OLA1: variants seen among roughly 807,000 people sequenced by gnomAD.
OLA1 encodes Obg like ATPase 1.
OLA1 carries 14 observed loss-of-function variants against 48.4 expected under a neutral mutation model. The observed-to-expected ratio is 0.29, with a 90% CI of 0.19 to 0.45. The LOEUF is 0.45. Ranked by LOEUF, OLA1 falls within the 20% of genes least tolerant of loss-of-function variation. The pLI is 1.00. For synonymous variants in OLA1, 127 were observed against 150.4 expected, an observed-to-expected ratio of 0.84 and a Z score of 1.14; for missense variants, 325 against 467.1, an observed-to-expected ratio of 0.70 and a Z score of 2.80.
intron 4 of OLA1, among the ~76,000 whole-genome samples, chr2:174,215,779 T>C (rs2358484): frequency 0.54 from 81,901 of 152,014 alleles, 22,680 homozygotes; most frequent in East Asian, 0.95. Context: ...ATAAAGTTAA[T>C]TGTAGTCCAT....
intron 4 of OLA1, among the ~76,000 whole-genome samples, chr2:174,168,329 A>G (rs1687214570): frequency 6.6e-6 from 1 of 152,172 alleles, no homozygotes; most frequent in South Asian, 2.1e-4. Context: ...GTGAGACTGG[A>G]GCTGCCATCT....
At chr2:174,211,906 CTTT>C (rs1396832641) in intron 4 of OLA1, among the ~76,000 whole-genome samples, 1 of 152,032 alleles carries the variant, frequency 6.6e-6, no homozygotes, top group Non-Finnish European at 1.5e-5. Flanking sequence ...TTCTTTTTAA[CTTT>C]TTTAATGTGG....
chr2:174,247,863 G>A, intron 1 of OLA1: 2 of 1,425,906 alleles, frequency 1.4e-6, no homozygotes, highest in East Asian at 2.5e-5. Context: ...AATCATGCGT[G>A]CAGAATTACT....
intron 4 of OLA1, among the ~76,000 whole-genome samples, chr2:174,154,474 G>A (rs1686822625): frequency 6.6e-6 from 1 of 151,502 alleles, no homozygotes; most frequent in African/African-American, 2.4e-5. Context: ...GACTTTTTTG[G>A]GCCTAAAAGA....
intron 5 of OLA1, among the ~76,000 whole-genome samples, chr2:174,135,347 T>C (rs997496541): frequency 6.6e-6 from 1 of 152,138 alleles, no homozygotes; most frequent in African/African-American, 2.4e-5. Context: ...GGCCTTTATG[T>C]TGGCACTATC....
At chr2:174,242,036 A>G (rs377463374) in intron 2 of OLA1, among the ~76,000 whole-genome samples, 73 of 152,352 alleles carry the variant, frequency 4.8e-4, no homozygotes, top group African/African-American at 1.7e-3. Flanking sequence ...ATTCTGGACA[A>G]AGGGATGTTG....
At chr2:174,147,076 C>T (rs538662128) in intron 4 of OLA1, among the ~76,000 whole-genome samples, 14 of 152,246 alleles carry the variant, frequency 9.2e-5, no homozygotes, top group African/African-American at 3.1e-4. Flanking sequence ...AAGAAAACTA[C>T]ACTCATACAA....
At chr2:174,144,354 A>G (rs899151841) in intron 4 of OLA1, among the ~76,000 whole-genome samples, 2 of 152,154 alleles carry the variant, frequency 1.3e-5, no homozygotes, top group African/African-American at 2.4e-5. Context: ...GTAACATACC[A>G]TAAGTAGAAT....
intron 2 of OLA1, among the ~76,000 whole-genome samples, chr2:174,237,437 A>G (rs1688883973): frequency 6.6e-6 from 1 of 151,952 alleles, no homozygotes; most frequent in Admixed American, 6.6e-5. Flanking sequence ...GAAAGAGTAC[A>G]CTCTAAAGTA....
chr2:174,100,401 G>A (rs553200667), intron 7 of OLA1, among the ~76,000 whole-genome samples: 3 of 152,088 alleles, frequency 2.0e-5, no homozygotes, highest in Non-Finnish European at 4.4e-5. Context: ...GAAACAAGGA[G>A]ACATTAATAA....
At chr2:174,132,420 C>T (rs1377201099) in intron 5 of OLA1, among the ~76,000 whole-genome samples, 3 of 152,008 alleles carry the variant, frequency 2.0e-5, no homozygotes, top group Non-Finnish European at 4.4e-5. Flanking sequence ...TTTTCTAACT[C>T]CTTCATAAGA....
intron 9 of OLA1, among the ~76,000 whole-genome samples, chr2:174,079,998 T>C (rs901086036): frequency 2.6e-5 from 4 of 151,972 alleles, no homozygotes; most frequent in African/African-American, 9.7e-5. Context: ...CATACTTAAG[T>C]TAGAAAGTTT....
chr2:174,174,640 A>G (rs994146468), intron 4 of OLA1, among the ~76,000 whole-genome samples: 4 of 152,076 alleles, frequency 2.6e-5, no homozygotes, highest in African/African-American at 9.6e-5. Context: ...TCTGTAACCT[A>G]TAAAATACTG....
rs957411079 is a variant in OLA1, at chr2:174,230,113, C to T, written c.102-662G>A. 3.3e-5 allele frequency among the ~76,000 whole-genome samples: 5 copies of T among 151,992 alleles called. 1 individual carries two copies. Among genetic ancestry groups the T allele is most frequent in the South Asian group, 4.1e-4 (2 of 4,822 alleles). On this transcript the variant is annotated intron_variant, in intron 2 of 10. Transcript: ENST00000284719. ...ATCATTTGACTGCTATCAAGTAATA[C>T]GTGCTCAGAGAAAGCCCACTCACGT...
intron 4 of OLA1, 61 bp from the exon 5 acceptor site, chr2:174,142,061 AG>A (rs1686466155): frequency 1.5e-6 from 2 of 1,378,610 alleles, no homozygotes; most frequent in Admixed American, 3.8e-5. Context: ...TCATTATGAT[AG>A]AGTGAAAGAT....
chr2:174,143,975 G>T (rs1005631882), intron 4 of OLA1, among the ~76,000 whole-genome samples: 1 of 150,514 alleles, frequency 6.6e-6, no homozygotes, highest in Admixed American at 6.6e-5. Flanking sequence ...ATGGTGGTAT[G>T]CGCTTATACT....
At chr2:174,153,972 T>C (rs952457371) in intron 4 of OLA1, among the ~76,000 whole-genome samples, 8 of 152,154 alleles carry the variant, frequency 5.3e-5, no homozygotes, top group Admixed American at 5.2e-4. Flanking sequence ...TCTTAAGCCA[T>C]CCTACTGCCT....
chr2:174,203,777 A>G (rs1688045039), intron 4 of OLA1, among the ~76,000 whole-genome samples: 1 of 150,440 alleles, frequency 6.6e-6, no homozygotes, highest in African/African-American at 2.5e-5. Context: ...TTTTATATTT[A>G]CAGTTGGTTA....
chr2:174,162,995 G>C (rs1687049288), intron 4 of OLA1, among the ~76,000 whole-genome samples: 1 of 152,084 alleles, frequency 6.6e-6, no homozygotes, highest in African/African-American at 2.4e-5. Flanking sequence ...AGTGAGCCTT[G>C]ATAGTGCCAC....
Sources: gnomAD v4.1 joint callset for allele counts (sites outside exome capture counted in the v4.1 genomes callset) on GRCh38, gnomAD v4.1.1 for gene constraint, MANE v1.5 for transcripts, NCBI Gene and HGNC (gene_info 2026-07-23, HGNC 2026-07-21) for gene names.